Variants in NWD2 observed in about 807,000 individuals in gnomAD.
The protein encoded by NWD2 is NACHT and WD repeat domain containing 2.
Under a neutral mutation model 132.7 loss-of-function variants are expected in NWD2, and 37 were observed. That is an observed-to-expected ratio of 0.28 (90% CI 0.21 to 0.37). The LOEUF is 0.37. Ranked by LOEUF, NWD2 falls within the 10% of genes least tolerant of loss-of-function variation. The pLI, the probability that NWD2 is intolerant of heterozygous loss-of-function variation, is 1.00. For missense variants in NWD2, 1,592 were observed against 2,122.4 expected, an observed-to-expected ratio of 0.75 and a Z score of 4.91; for synonymous variants, 705 against 803.0, an observed-to-expected ratio of 0.88 and a Z score of 2.06.
intron 3 of NWD2, among the ~76,000 whole-genome samples, chr4:37,421,968 C>T (rs894305680): frequency 3.9e-5 from 6 of 152,180 alleles, no homozygotes; most frequent in African/African-American, 1.4e-4. Flanking sequence ...CCTCACTAGA[C>T]AGAGAGAGCT....
chr4:37,282,293 T>C (rs1718144173), intron 1 of NWD2, among the ~76,000 whole-genome samples: 1 of 152,154 alleles, frequency 6.6e-6, no homozygotes, highest in South Asian at 2.1e-4. Flanking sequence ...GATAGCATTA[T>C]AGCTATATTT....
intron 1 of NWD2, among the ~76,000 whole-genome samples, chr4:37,284,785 A>G (rs1718193890): frequency 6.6e-6 from 1 of 152,156 alleles, no homozygotes; most frequent in Admixed American, 6.5e-5. Flanking sequence ...TTCCTCCAGA[A>G]CCAGGCTTCA....
intron 3 of NWD2, among the ~76,000 whole-genome samples, chr4:37,357,293 G>A (rs778981223): frequency 7.9e-5 from 12 of 151,984 alleles, no homozygotes; most frequent in Admixed American, 2.6e-4. Flanking sequence ...AAATCACACC[G>A]TACTGTTAAA....
rs1352548135 is a variant in NWD2, at chr4:37,444,019, G to A, written c.2031G>A (p.Leu677=). The A allele has an allele frequency of 1.3e-6, 2 of 1,552,052 alleles. No individual in the cohort carries two copies. The highest frequency in any genetic ancestry group is 2.7e-5 in the African/African-American group (2 of 73,042). The part of the protein sequence containing the change: ...MAKMGLSEME[L]EDVLALDNSV... ...AAATGGGTCTGAGTGAAATGGAACT[G>A]GAGGATGTGTTAGCCCTAGACAACA... Residue 677 remains leucine, a synonymous_variant, in exon 7 of 7, where the codon CTG becomes CTA. Transcript: ENST00000309447. This position sits in a 1 kb window ranked among gnomAD's most constrained non-coding sequence, Gnocchi z 4.8.
chr4:37,329,716 A>G (rs2109289514), intron 2 of NWD2, among the ~76,000 whole-genome samples: 1 of 152,324 alleles, frequency 6.6e-6, no homozygotes, highest in African/African-American at 2.4e-5. Flanking sequence ...GGCCAAGATT[A>G]AGGACTTAGA....
intron 3 of NWD2, among the ~76,000 whole-genome samples, chr4:37,386,236 A>T (rs1318554454): frequency 6.6e-6 from 1 of 151,758 alleles, no homozygotes; most frequent in Non-Finnish European, 1.5e-5. Flanking sequence ...TAAAAAAAGC[A>T]ATCCTAAGTG....
intron 1 of NWD2, among the ~76,000 whole-genome samples, chr4:37,278,050 A>G (rs1718059379): frequency 6.6e-6 from 1 of 152,060 alleles, no homozygotes; most frequent in Non-Finnish European, 1.5e-5. Context: ...ATGTCTGTGT[A>G]GTTTGGTGGT....
At chr4:37,278,230 G>T (rs13138550) in intron 1 of NWD2, among the ~76,000 whole-genome samples, 11,331 of 152,182 alleles carry the variant, frequency 0.074, 559 homozygotes, top group Non-Finnish European at 0.11. Context: ...TGTCTGAATA[G>T]CTTGAGTTGG....
chr4:37,348,996 T>C (rs764396136), intron 2 of NWD2, among the ~76,000 whole-genome samples: 3 of 151,980 alleles, frequency 2.0e-5, no homozygotes, highest in Admixed American at 6.6e-5. Context: ...TCCATGTCCC[T>C]GCAGAGGACA....
chr4:37,395,844 C>A (rs1035196925), intron 3 of NWD2, among the ~76,000 whole-genome samples: 2 of 151,636 alleles, frequency 1.3e-5, no homozygotes, highest in African/African-American at 2.4e-5. Flanking sequence ...CGGCTCACTG[C>A]GACCTCTGGG....
At chr4:37,361,365 T>C (rs1030301444) in intron 3 of NWD2, among the ~76,000 whole-genome samples, 1 of 151,882 alleles carries the variant, frequency 6.6e-6, no homozygotes, top group Non-Finnish European at 1.5e-5. Context: ...AGACAAAACC[T>C]GGCAAAAACA....
At chr4:37,354,281 C>T (rs1328555013) in intron 2 of NWD2, among the ~76,000 whole-genome samples, 1 of 152,174 alleles carries the variant, frequency 6.6e-6, no homozygotes, top group East Asian at 1.9e-4. Flanking sequence ...TGTCTGTTGA[C>T]CCATGCTGGG....
intron 3 of NWD2, among the ~76,000 whole-genome samples, chr4:37,414,750 C>T (rs1443919490): frequency 6.6e-6 from 1 of 152,190 alleles, no homozygotes; most frequent in Non-Finnish European, 1.5e-5. Flanking sequence ...TGGATCAACA[C>T]ATTATACAAT....
intron 2 of NWD2, among the ~76,000 whole-genome samples, chr4:37,327,621 T>C (rs1719200335): frequency 6.6e-6 from 1 of 152,162 alleles, no homozygotes; most frequent in Non-Finnish European, 1.5e-5. Flanking sequence ...TAGAATAAAA[T>C]TAAATATGCA....
At chr4:37,402,669 A>G (rs549050397) in intron 3 of NWD2, among the ~76,000 whole-genome samples, 1 of 152,326 alleles carries the variant, frequency 6.6e-6, no homozygotes, top group South Asian at 2.1e-4. Flanking sequence ...AAGTAGAAAG[A>G]TCAGGCTGGG....
chr4:37,290,627 C>G (rs1224236577), intron 1 of NWD2, among the ~76,000 whole-genome samples: 2 of 152,244 alleles, frequency 1.3e-5, no homozygotes, highest in East Asian at 3.9e-4. Context: ...AGTTAGACCA[C>G]AGATGTGTGG....
At chr4:37,338,372 A>G (rs936281499) in intron 2 of NWD2, among the ~76,000 whole-genome samples, 4 of 152,222 alleles carry the variant, frequency 2.6e-5, no homozygotes, top group Non-Finnish European at 5.9e-5. Context: ...CTTCTTAGGG[A>G]AAAGAAGCAA....
intron 2 of NWD2, among the ~76,000 whole-genome samples, chr4:37,326,618 G>A (rs1181676354): frequency 6.6e-6 from 1 of 152,080 alleles, no homozygotes; most frequent in Middle Eastern, 3.2e-3. Flanking sequence ...CCATCTAACG[G>A]TAAAGTGCTT....
chr4:37,254,152 A>T (rs1212508671), intron 1 of NWD2, among the ~76,000 whole-genome samples: 1 of 152,214 alleles, frequency 6.6e-6, no homozygotes, highest in Non-Finnish European at 1.5e-5. Context: ...ACCGCCCATG[A>T]CACATGTTTA....
Sources: gnomAD v4.1 joint callset for allele counts (sites outside exome capture counted in the v4.1 genomes callset) on GRCh38, gnomAD v4.1.1 for gene constraint, Gnocchi (gnomAD v3.1) non-coding constraint, MANE v1.5 for transcripts, NCBI Gene and HGNC (gene_info 2026-07-23, HGNC 2026-07-21) for gene names.